The following KCNQ5 variants were observed in gnomAD, a reference collection of about 807,000 sequenced individuals.
The protein encoded by KCNQ5 is potassium voltage-gated channel subfamily KQT member 5.
Under a neutral mutation model 98.2 loss-of-function variants are expected in KCNQ5, and 30 were observed. That is an observed-to-expected ratio of 0.31 (90% CI 0.23 to 0.41). KCNQ5 has a LOEUF of 0.41. KCNQ5 is among the 10% of genes least tolerant of loss of function. The pLI, the probability that KCNQ5 is intolerant of heterozygous loss-of-function variation, is 1.00. For synonymous variants in KCNQ5, 458 were observed against 449.4 expected (o/e 1.02, Z -0.24); for missense variants, 835 against 1,182.5 (o/e 0.71, Z 4.31).
chr6:73,177,129 G>A (rs1404689612), intron 11 of KCNQ5, among the ~76,000 whole-genome samples: 1 of 152,204 alleles, frequency 6.6e-6, no homozygotes, highest in African/African-American at 2.4e-5. Context: ...CTGCTAAGAG[G>A]TCAAAGAAGA....
chr6:72,845,711 G>A (rs900309217), intron 1 of KCNQ5, among the ~76,000 whole-genome samples: 10 of 152,250 alleles, frequency 6.6e-5, no homozygotes, highest in South Asian at 6.2e-4. Flanking sequence ...TTATATTCAT[G>A]TAATTTTAAA....
At chr6:72,633,396 G>A (rs992233006) in intron 1 of KCNQ5, among the ~76,000 whole-genome samples, 5 of 152,048 alleles carry the variant, frequency 3.3e-5, no homozygotes, top group Admixed American at 1.3e-4. Flanking sequence ...AATCGGAGAC[G>A]ACACAAATAA....
At chr6:72,851,193 T>A (rs1381065900) in intron 1 of KCNQ5, among the ~76,000 whole-genome samples, 1 of 152,116 alleles carries the variant, frequency 6.6e-6, no homozygotes, top group Non-Finnish European at 1.5e-5. Flanking sequence ...CATATGAAGG[T>A]TTTTTAATGG....
intron 11 of KCNQ5, among the ~76,000 whole-genome samples, chr6:73,171,491 T>C (rs762661575): frequency 1.6e-4 from 25 of 152,166 alleles, no homozygotes; most frequent in Non-Finnish European, 2.6e-4. Context: ...GTTAAAGGGA[T>C]AGAGGATTTA....
At chr6:73,081,014 C>T (rs1213799643) in intron 5 of KCNQ5, among the ~76,000 whole-genome samples, 26 of 152,158 alleles carry the variant, frequency 1.7e-4, no homozygotes, top group Admixed American at 1.7e-3. Context: ...GACCTGGTAC[C>T]AAGAACATAG....
intron 7 of KCNQ5, 48 bp downstream of exon 7, chr6:73,111,451 C>G (rs1254844947): frequency 9.3e-6 from 11 of 1,182,250 alleles, no homozygotes; most frequent in Non-Finnish European, 1.4e-5. Context: ...GTCCATAGTG[C>G]TTGATGGGTC....
rs1222575916 is a variant in KCNQ5 at position 73,196,163 on chromosome 6, A to G, written c.*749A>G. The G allele has an allele frequency of 6.6e-6, 1 of 152,458 alleles. No individual in the cohort carries two copies. The highest frequency in any genetic ancestry group is 1.5e-5 in the Non-Finnish European group (1 of 68,202). The allele number at this position is 152,458 out of a possible 1,614,324, so 9.4% of individuals were successfully genotyped here. A position where few individuals can be genotyped will look rare whatever the true frequency, so the allele number is the denominator to read the frequency against. On this transcript the variant is annotated 3_prime_UTR_variant, in exon 14 of 14. Coordinates refer to ENST00000370398, the MANE Select transcript of KCNQ5 (RefSeq NM_019842.4). ...ATTGCCTGATGGCAGAATCAACTTT[A>G]TAAGTGGTCAACTTCTACACAAGCG...
chr6:73,017,295 ATT>A (rs1562129037), intron 2 of KCNQ5, among the ~76,000 whole-genome samples: 1 of 152,126 alleles, frequency 6.6e-6, no homozygotes, highest in African/African-American at 2.4e-5. Flanking sequence ...TTAATTCATC[ATT>A]TTTTAAGTTC....
At chr6:73,141,823 CT>C (rs1269498217) in intron 10 of KCNQ5, among the ~76,000 whole-genome samples, 9 of 152,210 alleles carry the variant, frequency 5.9e-5, no homozygotes, top group African/African-American at 2.2e-4. Context: ...AATCTGAATG[CT>C]GTATTAGTTA....
chr6:72,759,947 G>T (rs1010405194), intron 1 of KCNQ5, among the ~76,000 whole-genome samples: 1 of 151,996 alleles, frequency 6.6e-6, no homozygotes, highest in East Asian at 1.9e-4. Flanking sequence ...AAGAAGAAAA[G>T]GAAGAAAATA....
chr6:72,856,286 T>A (rs1270233130), intron 1 of KCNQ5, among the ~76,000 whole-genome samples: 1 of 152,202 alleles, frequency 6.6e-6, no homozygotes, highest in African/African-American at 2.4e-5. Context: ...ATAAGCCTCT[T>A]ACCTTAAAAG....
At chr6:72,703,960 T>C (rs1248441582) in intron 1 of KCNQ5, among the ~76,000 whole-genome samples, 1 of 152,228 alleles carries the variant, frequency 6.6e-6, no homozygotes, top group African/African-American at 2.4e-5. Context: ...ACTAATATTT[T>C]GTGCTATACT....
At chr6:72,771,960 T>C (rs1772915823) in intron 1 of KCNQ5, among the ~76,000 whole-genome samples, 1 of 152,156 alleles carries the variant, frequency 6.6e-6, no homozygotes, top group Non-Finnish European at 1.5e-5. Context: ...CTTTTGTTTA[T>C]TTCTCTGGGG....
intron 1 of KCNQ5, among the ~76,000 whole-genome samples, chr6:72,788,589 A>G (rs919650647): frequency 2.0e-5 from 3 of 152,214 alleles, no homozygotes; most frequent in Non-Finnish European, 4.4e-5. Flanking sequence ...CAGTATTATT[A>G]AAGAGAACTT....
At chr6:72,783,029 G>A (rs77727414) in intron 1 of KCNQ5, among the ~76,000 whole-genome samples, 1 of 152,132 alleles carries the variant, frequency 6.6e-6, no homozygotes, top group Non-Finnish European at 1.5e-5. Context: ...CTCTGGTAGG[G>A]GACCTAGAGA....
chr6:72,994,655 T>C (rs572597787), intron 1 of KCNQ5, among the ~76,000 whole-genome samples: 1 of 152,160 alleles, frequency 6.6e-6, no homozygotes, highest in African/African-American at 2.4e-5. Context: ...AGACCGGAGC[T>C]GTTCCTATTC....
chr6:73,071,026 G>A (rs569808194), intron 3 of KCNQ5, among the ~76,000 whole-genome samples: 1 of 152,142 alleles, frequency 6.6e-6, no homozygotes, highest in South Asian at 2.1e-4. Context: ...TAACTTCTGT[G>A]ACTTAAAAAT....
chr6:73,107,745 T>G (rs1775063282), intron 6 of KCNQ5, among the ~76,000 whole-genome samples: 1 of 152,234 alleles, frequency 6.6e-6, no homozygotes, highest in African/African-American at 2.4e-5. Flanking sequence ...AATTTTTATA[T>G]GCAAATTAAA....
At position 73,192,573 on chromosome 6, in the gene KCNQ5, A is replaced by T; in HGVS notation, c.1718A>T (p.Gln573Leu). The T allele has an allele frequency of 6.2e-7, 1 of 1,609,012 alleles. No homozygotes were observed. Among genetic ancestry groups the T allele is most frequent in the East Asian group, 2.2e-5 (1 of 44,634 alleles). Residue 573 changes from glutamine (Q) to leucine (L), a missense_variant, in exon 13 of 14, where the codon CAA (glutamine) becomes CTA (leucine). Gln to Leu is a moderately radical substitution (Grantham distance 113). Around this residue, in one of 10 missense-constraint regions of KCNQ5, gnomAD observed 416 missense variants for 446.9 expected, o/e 0.93. Coordinates refer to ENST00000370398, the MANE Select transcript of KCNQ5 (RefSeq NM_019842.4). ...TCCTCTTTCTCTGATAGTGTTGATC[A>T]AATTCTTGGAAAAGGGCAAATCACA... ...RIKSLQTRVD[Q>L]ILGKGQITSD...
Sources: gnomAD v4.1 joint callset for allele counts (sites outside exome capture counted in the v4.1 genomes callset) on GRCh38, gnomAD v4.1.1 for gene constraint, gnomAD v4.1.1 regional missense constraint, MANE v1.5 for transcripts, NCBI Gene and HGNC (gene_info 2026-07-23, HGNC 2026-07-21) for gene names.